Variants in RAD51B observed in about 807,000 individuals in gnomAD.
The protein encoded by RAD51B is DNA repair protein RAD51 homolog 2.
In RAD51B, 38 loss-of-function variants were observed where a neutral mutation model predicts 42.2. That is an observed-to-expected ratio of 0.90 (90% CI 0.70 to 1.18). RAD51B has a LOEUF of 1.18. Among genes scored for constraint, RAD51B ranks in the 50% most tolerant of loss-of-function variants. The pLI, the probability that RAD51B is intolerant of heterozygous loss-of-function variation, is 0.00. For missense variants in RAD51B, 373 were observed against 400.7 expected (o/e 0.93, Z 0.59); for synonymous variants, 154 against 145.2 (o/e 1.06, Z -0.43).
intron 10 of RAD51B, among the ~76,000 whole-genome samples, chr14:68,559,905 G>T (rs1230511700): frequency 6.6e-6 from 1 of 152,174 alleles, no homozygotes; most frequent in African/African-American, 2.4e-5. Context: ...AGTGCTGAAG[G>T]CAGCAGCTCT....
chr14:68,157,750 A>G (rs761837213), intron 7 of RAD51B, among the ~76,000 whole-genome samples: 11 of 152,220 alleles, frequency 7.2e-5, no homozygotes, highest in African/African-American at 2.4e-4. Flanking sequence ...TTTAAGAAAT[A>G]TGACTTAAAC....
chr14:68,668,719 T>C (rs1170160364), intron 11 of RAD51B, among the ~76,000 whole-genome samples: 1 of 152,238 alleles, frequency 6.6e-6, no homozygotes, highest in African/African-American at 2.4e-5. Flanking sequence ...GATGGCGGGC[T>C]GTTCTCCTGC....
intron 10 of RAD51B, among the ~76,000 whole-genome samples, chr14:68,522,246 AAGG>A (rs1273542572): frequency 6.6e-6 from 1 of 152,168 alleles, no homozygotes; most frequent in Non-Finnish European, 1.5e-5. Context: ...TGCTGCTGGA[AAGG>A]AGGACAGTGC....
chr14:68,563,397 C>T (rs1454518235), intron 10 of RAD51B: 5 of 985,320 alleles, frequency 5.1e-6, no homozygotes, highest in Non-Finnish European at 6.0e-6. Context: ...TCTTCCCGCC[C>T]CCCAAGTCCA....
rs1047336870 is a variant in RAD51B at position 68,565,906 on chromosome 14, G to A, written c.1037-28579G>A. Among the ~76,000 whole-genome samples, 1 of 152,108 alleles carries A rather than the reference G, an allele frequency of 6.6e-6. No individual in the cohort carries two copies. Among genetic ancestry groups the A allele is most frequent in the Non-Finnish European group, 1.5e-5 (1 of 68,018 alleles). On this transcript the variant is annotated intron_variant, in intron 10 of 10. Coordinates refer to the RAD51B transcript ENST00000487270. The surrounding 1 kb of genome is among the most constrained non-coding windows in gnomAD (Gnocchi z 4.1). ...GAGGTGTCTGGCCACTCTCATCCCC[G>A]CCGGGCTCCAATGTGGCCACAAGCC...
rs374155172 is a variant in RAD51B at position 68,662,223 on chromosome 14, C to T, written c.*11+11367C>T. Among the ~76,000 whole-genome samples, 20 of 152,344 alleles carry T rather than the reference C, an allele frequency of 1.3e-4. No individual in the cohort carries two copies. In the South Asian group the frequency reaches 4.1e-3, roughly 32 times the overall value. On this transcript the variant is annotated intron_variant, in intron 11 of 11. Coordinates refer to the RAD51B transcript ENST00000488612. ...GGTAACTGTTCAGGTTGATTCACGT[C>T]GACTTTACAGTCAACACACACCCCT...
At chr14:68,322,171 T>G (rs1566807776) in intron 8 of RAD51B, among the ~76,000 whole-genome samples, 1 of 152,164 alleles carries the variant, frequency 6.6e-6, no homozygotes, top group Non-Finnish European at 1.5e-5. Context: ...ATAATAATAG[T>G]GTTTTTCTTT....
At chr14:68,584,068 C>G (rs531518459) in intron 10 of RAD51B, among the ~76,000 whole-genome samples, 107 of 152,110 alleles carry the variant, frequency 7.0e-4, no homozygotes, top group Non-Finnish European at 1.2e-3. Context: ...GCCCAGGCGC[C>G]CCCCCACCCC....
chr14:68,525,083 G>A (rs1886837336), intron 10 of RAD51B, among the ~76,000 whole-genome samples: 1 of 152,256 alleles, frequency 6.6e-6, no homozygotes, highest in African/African-American at 2.4e-5. Flanking sequence ...CCTTGGCCAA[G>A]CATAATCACA....
chr14:68,101,230 C>T lies in RAD51B; in HGVS notation c.757-190654C>T, dbSNP rs184855542. 2.7e-3 allele frequency among the ~76,000 whole-genome samples: 416 copies of T among 152,236 alleles called. 1 individual carries two copies. The highest frequency in any genetic ancestry group is 7.7e-3 in the South Asian group (37 of 4,820). ...TTCAAGGTAAGATTTGGGTGGGGCA[C>T]GGCCAAAACTTTATCATTCCACCCC... On this transcript the variant is annotated intron_variant, in intron 7 of 10. Transcript: ENST00000471583.
chr14:67,949,832 TCTC>T (rs2074409498), intron 7 of RAD51B, among the ~76,000 whole-genome samples: 1 of 152,180 alleles, frequency 6.6e-6, no homozygotes, highest in African/African-American at 2.4e-5. Flanking sequence ...ACAACATTAA[TCTC>T]CTTGTACATC....
At chr14:68,379,045 A>T (rs1429034740) in intron 8 of RAD51B, among the ~76,000 whole-genome samples, 1 of 152,162 alleles carries the variant, frequency 6.6e-6, no homozygotes, top group Non-Finnish European at 1.5e-5. Flanking sequence ...GTTATTTGCC[A>T]TATGTGCTGC....
intron 10 of RAD51B, chr14:68,468,674 G>C: frequency 3.1e-6 from 1 of 325,294 alleles, no homozygotes. Flanking sequence ...AGCCTCTGGG[G>C]CACAATGTCA....
intron 7 of RAD51B, among the ~76,000 whole-genome samples, chr14:67,988,606 T>C (rs1215924468): frequency 6.6e-6 from 1 of 152,206 alleles, no homozygotes; most frequent in Non-Finnish European, 1.5e-5. Flanking sequence ...TATTTTCTAT[T>C]TTATATGCTT....
rs1366252567 is a variant in RAD51B, at chr14:68,087,834, T to TTA, written c.756+200630_756+200631insTA. Among the ~76,000 whole-genome samples, 350 of 125,504 alleles carry TTA rather than the reference T, an allele frequency of 2.8e-3. 4 individuals carry two copies. Among genetic ancestry groups the TTA allele is most frequent in the African/African-American group, 0.011 (336 of 30,096 alleles). 82.3% of individuals were successfully genotyped at this position (125,504 alleles called of 152,430 possible). ...CTTAAAAATAATATTTTTAAATATT[T>TTA]AATTATATAATTATTATATATATAA... On this transcript the variant is annotated intron_variant, in intron 7 of 10. Transcript: ENST00000471583.
intron 10 of RAD51B, among the ~76,000 whole-genome samples, chr14:68,483,426 C>G (rs181112658): frequency 2.1e-4 from 32 of 152,300 alleles, no homozygotes; most frequent in Non-Finnish European, 3.1e-4. Context: ...CCAAGAAAGA[C>G]CAGTTAACTC....
At chr14:68,275,853 C>T (rs1334599446) in intron 7 of RAD51B, among the ~76,000 whole-genome samples, 1 of 150,096 alleles carries the variant, frequency 6.7e-6, no homozygotes, top group Non-Finnish European at 1.5e-5. Flanking sequence ...CTTGAATTCT[C>T]AGCTGACATG....
At chr14:68,600,751 T>A (rs1187461279), downstream of RAD51B, among the ~76,000 whole-genome samples, 1 of 152,184 alleles carries the variant, frequency 6.6e-6, no homozygotes, top group Non-Finnish European at 1.5e-5. Flanking sequence ...AAAATGTCAA[T>A]TAATTCACTC....
intron 7 of RAD51B, among the ~76,000 whole-genome samples, chr14:68,054,170 G>A (rs892503553): frequency 2.0e-5 from 3 of 152,018 alleles, no homozygotes; most frequent in African/African-American, 7.3e-5. Context: ...ACTGTATTTG[G>A]GTTTTTCCAG....
Sources: allele counts gnomAD v4.1 joint callset (sites outside exome capture counted in the v4.1 genomes callset), GRCh38; gene constraint gnomAD v4.1.1; non-coding constraint Gnocchi (gnomAD v3.1); transcripts MANE v1.5; gene names NCBI Gene and HGNC (gene_info 2026-07-23, HGNC 2026-07-21).